BPTF: variants seen among roughly 807,000 people sequenced by gnomAD.
BPTF encodes the protein nucleosome-remodeling factor subunit BPTF.
BPTF carries 18 observed loss-of-function variants against 292.5 expected under a neutral mutation model. That is an observed-to-expected ratio of 0.06 (90% CI 0.04 to 0.09). The LOEUF is 0.09. Among genes scored for constraint, BPTF ranks in the 10% least tolerant of loss-of-function variants. BPTF has a pLI of 1.00. For synonymous variants in BPTF, 1,225 were observed against 1,251.9 expected (o/e 0.98, Z 0.45); for missense variants, 2,726 against 3,498.7 (o/e 0.78, Z 5.57).
At chr17:67,898,633 C>T (rs1329454361) in intron 7 of BPTF, among the ~76,000 whole-genome samples, 1 of 149,174 alleles carries the variant, frequency 6.7e-6, no homozygotes, top group Non-Finnish European at 1.5e-5. Flanking sequence ...TTTTTTTAAA[C>T]TCTTAGATAA....
At chr17:67,898,448 T>TG (rs1383935677) in intron 7 of BPTF, among the ~76,000 whole-genome samples, 1 of 152,154 alleles carries the variant, frequency 6.6e-6, no homozygotes, top group Non-Finnish European at 1.5e-5. Context: ...TATAATTTAT[T>TG]GGGTTTTTTT....
chr17:67,868,051 G>T (rs2059489561), intron 3 of BPTF, among the ~76,000 whole-genome samples: 1 of 152,042 alleles, frequency 6.6e-6, no homozygotes, highest in African/African-American at 2.4e-5. Context: ...TTATTTCTAT[G>T]AGTATACATT....
chr17:67,886,175 A>G (rs771178805), intron 4 of BPTF: 7 of 1,613,294 alleles, frequency 4.3e-6, no homozygotes, highest in African/African-American at 4.0e-5. Context: ...TGCTACCACT[A>G]CCTCCATCCA....
At chr17:67,896,554 G>T (rs2061469035) in intron 7 of BPTF, among the ~76,000 whole-genome samples, 1 of 152,102 alleles carries the variant, frequency 6.6e-6, no homozygotes, top group Non-Finnish European at 1.5e-5. Flanking sequence ...AATACATCAG[G>T]ATAAATCTAT....
At chr17:67,973,739 T>C (rs545375320) in intron 26 of BPTF, among the ~76,000 whole-genome samples, 4 of 152,108 alleles carry the variant, frequency 2.6e-5, no homozygotes, top group African/African-American at 9.6e-5. Flanking sequence ...ACTCATGACC[T>C]TGGATGATAC....
chr17:67,862,684 G>A (rs924760525), intron 2 of BPTF, among the ~76,000 whole-genome samples: 1 of 152,040 alleles, frequency 6.6e-6, no homozygotes, highest in African/African-American at 2.4e-5. Context: ...CCAAAAAAAA[G>A]TACTATAAAA....
rs1169918417 is a variant in BPTF at position 67,825,620 on chromosome 17, GCCCGGCCCCGCGGGCCTCCCCA to G, written c.-94_-73del. ...CGCTTCCGTCGGCCGGGCCCCTCCC[GCCCGGCCCCGCGGGCCTCCCCA>G]CCCGGCCCCGGCGCTCCCCACCGCC... On this transcript the variant is annotated 5_prime_UTR_variant, in exon 1 of 28. Transcript: ENST00000306378. The G allele has an allele frequency of 1.5e-5, 3 of 206,040 alleles. No homozygotes were observed. The highest frequency in any genetic ancestry group is 3.0e-5 in the Non-Finnish European group (3 of 100,932). The allele number at this position is 206,040 out of a possible 1,614,324, so 12.8% of individuals were successfully genotyped here.
At position 67,946,124 on chromosome 17, in the gene BPTF, T is replaced by G. The variant is rs782259191; in HGVS notation, c.7416T>G (p.Pro2472=). The change falls in exon 21 of 28, where the codon CCT becomes CCG. Residue 2472 remains proline, a synonymous_variant. Coordinates refer to ENST00000306378, the MANE Select transcript of BPTF (RefSeq NM_182641.4). The stretch of plus-strand genomic sequence containing the variant: ...CCCAGCAAATCAAACTCCAGTTACC[T>G]ATCCAAATTCAGCAAAGCAGTGCTG... ...GVPQQIKLQL[P]IQIQQSSAVQ... is the part of the protein sequence containing the mutation. 1 of 1,614,168 alleles carries G rather than the reference T, an allele frequency of 6.2e-7. No individual in the cohort carries two copies. The highest frequency in any genetic ancestry group is 8.5e-7 in the Non-Finnish European group (1 of 1,180,020).
intron 23 of BPTF, chr17:67,956,556 G>A (rs1316006259): frequency 1.3e-5 from 2 of 151,360 alleles, no homozygotes; most frequent in Admixed American, 1.3e-4. Context: ...GGACTCAAGC[G>A]ATCTTCCAGC....
rs1339951030 is a variant in BPTF at position 67,875,037 on chromosome 17, A to G, written c.1864+17A>G. The stretch of plus-strand genomic sequence containing the variant: ...AATCTGAGGGTAAAAAAATTACTTG[A>G]TTAAAAAGAAATATTTCATTAGTGT... On this transcript the variant is annotated intron_variant, in intron 4 of 27. Coordinates refer to ENST00000306378, the MANE Select transcript of BPTF (RefSeq NM_182641.4). 5 of 1,586,540 alleles carry G rather than the reference A, an allele frequency of 3.2e-6. No homozygotes were observed. Among genetic ancestry groups the G allele is most frequent in the Non-Finnish European group, 3.4e-6 (4 of 1,165,914 alleles).
chr17:67,851,525 TAGAA>T (rs1370530312), intron 1 of BPTF, among the ~76,000 whole-genome samples: 5 of 152,206 alleles, frequency 3.3e-5, no homozygotes, highest in African/African-American at 4.8e-5. Context: ...GTTTTAAAAG[TAGAA>T]AGAGAATAGA....
intron 1 of BPTF, among the ~76,000 whole-genome samples, chr17:67,835,151 A>C (rs528024126): frequency 6.6e-6 from 1 of 152,266 alleles, no homozygotes; most frequent in South Asian, 2.1e-4. Flanking sequence ...TAGAGGCCCT[A>C]GTCAGCTATG....
chr17:67,958,126 G>A lies in BPTF; in HGVS notation c.7927-1415G>A, dbSNP rs183051923. Among the ~76,000 whole-genome samples, 212 of 152,036 alleles carry A rather than the reference G, an allele frequency of 1.4e-3. 1 individual carries two copies. The highest frequency in any genetic ancestry group is 5.0e-3 in the African/African-American group (207 of 41,494). ...GCAGGTCACTTGAGGTCAGGAGTTC[G>A]AGACCAGCCTGGCCAACATGGTGAA... On this transcript the variant is annotated intron_variant, in intron 23 of 27. Transcript: ENST00000306378.
At chr17:67,905,163 A>G (rs973061772) in intron 9 of BPTF, among the ~76,000 whole-genome samples, 2 of 152,208 alleles carry the variant, frequency 1.3e-5, no homozygotes, top group Admixed American at 6.5e-5. Flanking sequence ...TAATCCCAGC[A>G]CTGTGGGAGG....
In BPTF at chr17:67,917,766, C is replaced by T. The variant is rs1264899267; in HGVS notation, c.5304-948C>T. Among the ~76,000 whole-genome samples the T allele has an allele frequency of 2.0e-5, 3 of 151,838 alleles. No homozygotes were observed. The East Asian group carries it at 5.8e-4, about 29-fold the overall frequency. On this transcript the variant is annotated intron_variant, in intron 11 of 27. Transcript: ENST00000306378. ...TCCTGCCTTAGCCTCCCAAGTAGCTCGGATTACAGGCATGCACCACCATGC... is the reference window on the plus strand; with the variant it reads ...TCCTGCCTTAGCCTCCCAAGTAGCTTGGATTACAGGCATGCACCACCATGC...
At chr17:67,961,721 C>G (rs1266017960) in intron 24 of BPTF, among the ~76,000 whole-genome samples, 9 of 152,122 alleles carry the variant, frequency 5.9e-5, no homozygotes, top group African/African-American at 2.2e-4. Context: ...TGCCTGTAAT[C>G]CCAACACTTT....
At chr17:67,966,875 G>GCGGATCATGAGGT (rs1176965161) in intron 26 of BPTF, among the ~76,000 whole-genome samples, 3 of 152,012 alleles carry the variant, frequency 2.0e-5, no homozygotes, top group Admixed American at 6.6e-5. Flanking sequence ...GCCGAGACAG[G>GCGGATCATGAGGT]CGGATCATGA....
chr17:67,931,360 C>T (rs1045337547), intron 17 of BPTF, among the ~76,000 whole-genome samples: 4 of 152,194 alleles, frequency 2.6e-5, no homozygotes, highest in Non-Finnish European at 5.9e-5. Flanking sequence ...ATAGTCCTAG[C>T]TTCTTGGGAG....
At chr17:67,969,842 C>T (rs2148499445) in intron 26 of BPTF, among the ~76,000 whole-genome samples, 1 of 152,020 alleles carries the variant, frequency 6.6e-6, no homozygotes, top group African/African-American at 2.4e-5. Flanking sequence ...AGGAGAATCG[C>T]TTGAACCCAG....
Sources: gnomAD v4.1 joint callset for allele counts (sites outside exome capture counted in the v4.1 genomes callset) on GRCh38, gnomAD v4.1.1 for gene constraint, MANE v1.5 for transcripts, NCBI Gene and HGNC (gene_info 2026-07-23, HGNC 2026-07-21) for gene names.